ZC3H12B: variants seen among roughly 807,000 people sequenced by gnomAD.
The protein encoded by ZC3H12B is zinc finger CCCH-type containing 12B.
A neutral mutation model predicts 43.9 loss-of-function variants in ZC3H12B; 7 were observed. That is an observed-to-expected ratio of 0.16 (90% CI 0.09 to 0.30). ZC3H12B has a LOEUF of 0.30. ZC3H12B is among the 10% of genes least tolerant of loss of function. ZC3H12B has a pLI of 1.00. For synonymous variants in ZC3H12B, 222 were observed against 241.7 expected (o/e 0.92, Z 0.76); for missense variants, 475 against 670.2 (o/e 0.71, Z 3.22).
chrX:65,231,241 C>T, the ZC3H12B span, among the ~76,000 whole-genome samples: 1 of 110,855 alleles, frequency 9.0e-6, no homozygotes, highest in Non-Finnish European at 1.9e-5. Context: ...ACAGAGATCA[C>T]ATGCTTCAAA....
chrX:65,392,603 C>T (rs994980277), intron 2 of ZC3H12B, among the ~76,000 whole-genome samples: 11 of 111,395 alleles, frequency 9.9e-5, no homozygotes, highest in East Asian at 5.8e-4. Context: ...GTGGTGCCCC[C>T]GCCCAGCAGC....
intron 2 of ZC3H12B, among the ~76,000 whole-genome samples, chrX:65,378,826 T>G (rs781203279): frequency 8.9e-6 from 1 of 112,621 alleles, no homozygotes; most frequent in Admixed American, 9.3e-5. Flanking sequence ...TTCCCTTTCC[T>G]AGTCAAAGAA....
the ZC3H12B span, among the ~76,000 whole-genome samples, chrX:65,237,864 T>C: frequency 8.9e-6 from 1 of 112,019 alleles, no homozygotes; most frequent in African/African-American, 3.2e-5. Flanking sequence ...ATGAATTACA[T>C]TTGTTAATTA....
intron 3 of ZC3H12B, among the ~76,000 whole-genome samples, chrX:65,423,420 A>G (rs960841253): frequency 8.9e-6 from 1 of 112,453 alleles, no homozygotes; most frequent in Non-Finnish European, 1.9e-5. Context: ...GTTCTAGATC[A>G]TTGAGGAATC....
the ZC3H12B span, among the ~76,000 whole-genome samples, chrX:65,050,162 C>A: frequency 9.0e-5 from 10 of 110,886 alleles, no homozygotes; most frequent in African/African-American, 2.9e-4. Context: ...GTATTATATT[C>A]TTTTGATGCC....
the ZC3H12B span, among the ~76,000 whole-genome samples, chrX:65,232,706 A>G: frequency 1.8e-5 from 2 of 111,660 alleles, no homozygotes; most frequent in African/African-American, 6.5e-5. Flanking sequence ...CTACACTAAA[A>G]CAAATAACAA....
intron 1 of ZC3H12B, among the ~76,000 whole-genome samples, chrX:65,491,826 A>G (rs2148228364): frequency 9.1e-6 from 1 of 109,819 alleles, no homozygotes; most frequent in South Asian, 4.0e-4. Context: ...TAAGGTACGT[A>G]AAGCAGGCTA....
the ZC3H12B span, among the ~76,000 whole-genome samples, chrX:65,290,394 G>A: frequency 9.0e-6 from 1 of 111,025 alleles, no homozygotes; most frequent in Middle Eastern, 4.6e-3. Context: ...TGGAGGGAAT[G>A]TAAACTGATA....
the ZC3H12B span, among the ~76,000 whole-genome samples, chrX:65,199,011 G>A: frequency 2.7e-5 from 3 of 109,894 alleles, no homozygotes; most frequent in African/African-American, 9.9e-5. Context: ...TGTATTTTTA[G>A]TAGAGATGCG....
the ZC3H12B span, among the ~76,000 whole-genome samples, chrX:65,167,955 G>A: frequency 2.0e-3 from 221 of 111,644 alleles, 1 homozygote; most frequent in African/African-American, 4.5e-3. Context: ...TGGGGTTTTC[G>A]AAATATACAG....
the ZC3H12B span, among the ~76,000 whole-genome samples, chrX:65,211,544 C>A: frequency 9.6e-6 from 1 of 103,697 alleles, no homozygotes; most frequent in South Asian, 4.0e-4. Context: ...AAACTAAACT[C>A]CAGCAAGGTT....
chrX:65,090,337 A>G, the ZC3H12B span, among the ~76,000 whole-genome samples: 1 of 111,634 alleles, frequency 9.0e-6, no homozygotes, highest in South Asian at 3.8e-4. Flanking sequence ...TGGCTGTATA[A>G]TATTCTAAGT....
rs192528745 is a variant in ZC3H12B, at chrX:65,468,911, G to A, written n.408-19735G>A. On this transcript the variant is annotated intron_variant and non_coding_transcript_variant, in intron 3 of 5. Coordinates refer to the ZC3H12B transcript ENST00000617377. ...CTTTTTAACAACATCCTAAAACTCC[G>A]AGCACTGGGCCAGTGGGGCTTTGGG... Among the ~76,000 whole-genome samples the A allele has an allele frequency of 1.5e-3, 167 of 108,326 alleles. 1 individual carries two copies. The highest frequency in any genetic ancestry group is 5.0e-3 in the African/African-American group (147 of 29,608). The allele number at this position is 108,326 out of a possible 115,157, so 94.1% of individuals were successfully genotyped here. A position where few individuals can be genotyped will look rare whatever the true frequency, so the allele number is the denominator to read the frequency against.
At chrX:65,148,376 C>A in the ZC3H12B span, among the ~76,000 whole-genome samples, 12 of 112,038 alleles carry the variant, frequency 1.1e-4, no homozygotes, top group South Asian at 3.7e-4. Flanking sequence ...AAGCCTGGGG[C>A]TGTGGGATCA....
the ZC3H12B span, among the ~76,000 whole-genome samples, chrX:65,355,631 G>A: frequency 9.0e-6 from 1 of 111,483 alleles, no homozygotes; most frequent in South Asian, 3.8e-4. Context: ...CTCTAGGAAT[G>A]CACACTAAAC....
the ZC3H12B span, chrX:65,357,371 A>T: frequency 4.4e-6 from 1 of 227,015 alleles, no homozygotes; most frequent in Non-Finnish European, 8.1e-6. Flanking sequence ...AAAACAGGAA[A>T]TGTTGCACAA....
the ZC3H12B span, among the ~76,000 whole-genome samples, chrX:65,346,151 C>A: frequency 9.1e-6 from 1 of 110,050 alleles, no homozygotes; most frequent in African/African-American, 3.3e-5. Context: ...AAGAAACACC[C>A]AAATGGCCAA....
the ZC3H12B span, among the ~76,000 whole-genome samples, chrX:65,061,366 T>C: frequency 8.9e-6 from 1 of 111,741 alleles, no homozygotes; most frequent in African/African-American, 3.2e-5. Context: ...GCTCCCTTTG[T>C]TCATGTATTC....
chrX:65,223,869 C>T, the ZC3H12B span, among the ~76,000 whole-genome samples: 1 of 112,176 alleles, frequency 8.9e-6, no homozygotes, highest in East Asian at 2.8e-4. Context: ...TAAACTCATA[C>T]AACCACTATG....
Sources: allele counts gnomAD v4.1 joint callset (sites outside exome capture counted in the v4.1 genomes callset), GRCh38; gene constraint gnomAD v4.1.1; transcripts MANE v1.5; gene names NCBI Gene and HGNC (gene_info 2026-07-23, HGNC 2026-07-21).